RYR2: variants seen among roughly 807,000 people sequenced by gnomAD.
RYR2 encodes ryanodine receptor 2.
In RYR2, 227 loss-of-function variants were observed where a neutral mutation model predicts 601.1. That is an observed-to-expected ratio of 0.38 (90% CI 0.34 to 0.42). RYR2 has a LOEUF of 0.42. Ranked by LOEUF, RYR2 falls within the 10% of genes least tolerant of loss-of-function variation. RYR2 has a pLI of 1.00. For missense variants in RYR2, 4,646 were observed against 6,156.5 expected (o/e 0.75, Z 8.21); for synonymous variants, 2,223 against 2,175.1 (o/e 1.02, Z -0.61).
intron 3 of RYR2, 49 bp from the exon 4 acceptor site, chr1:237,355,916 G>T (rs370506128): frequency 6.4e-5 from 97 of 1,518,214 alleles, no homozygotes; most frequent in Non-Finnish European, 8.3e-5. Context: ...TTGAAACATT[G>T]CTAGGTATTT....
chr1:237,115,902 G>A (rs1490128262), intron 1 of RYR2, among the ~76,000 whole-genome samples: 2 of 152,100 alleles, frequency 1.3e-5, no homozygotes, highest in Non-Finnish European at 2.9e-5. Flanking sequence ...TTAGTGGATT[G>A]TTTAATTCCT....
At chr1:237,119,432 G>C (rs767716383) in intron 1 of RYR2, among the ~76,000 whole-genome samples, 1 of 152,320 alleles carries the variant, frequency 6.6e-6, no homozygotes, top group African/African-American at 2.4e-5. Context: ...GCATGTGTGT[G>C]CGTGTGTGTG....
intron 88 of RYR2, 37 bp downstream of exon 88, chr1:237,778,807 C>T (rs757062915): frequency 1.1e-5 from 11 of 1,003,348 alleles, no homozygotes; most frequent in Middle Eastern, 2.0e-4. Flanking sequence ...TCTTAAATGA[C>T]AAACTGGAGA....
At chr1:237,514,596 A>G (rs1666235186) in intron 24 of RYR2, among the ~76,000 whole-genome samples, 1 of 152,208 alleles carries the variant, frequency 6.6e-6, no homozygotes, top group Non-Finnish European at 1.5e-5. Context: ...AAGGGTTTAG[A>G]GAAAGTACAG....
chr1:237,221,830 A>AACTTTCAGCCTGGC (rs1683829553), intron 1 of RYR2, among the ~76,000 whole-genome samples: 1 of 152,110 alleles, frequency 6.6e-6, no homozygotes, highest in African/African-American at 2.4e-5. Flanking sequence ...GTCAAGCTGG[A>AACTTTCAGCCTGGC]CCTTTCAGCC....
intron 3 of RYR2, among the ~76,000 whole-genome samples, chr1:237,342,011 G>A (rs1010636243): frequency 6.6e-6 from 1 of 152,066 alleles, no homozygotes; most frequent in African/African-American, 2.4e-5. Context: ...CCCTAGTCAT[G>A]GTGTCTTTGT....
At chr1:237,733,310 A>G (rs1353597463) in intron 78 of RYR2, among the ~76,000 whole-genome samples, 8 of 152,128 alleles carry the variant, frequency 5.3e-5, no homozygotes, top group Admixed American at 5.2e-4. Context: ...TTTAATTGTC[A>G]TATCATAATT....
At chr1:237,826,680 C>A (rs2794841) in intron 101 of RYR2, among the ~76,000 whole-genome samples, 27,236 of 152,082 alleles carry the variant, frequency 0.18, 3,169 homozygotes, top group East Asian at 0.56. Context: ...CAGTCTAATA[C>A]CTGATGCATA....
chr1:237,417,016 C>A, intron 10 of RYR2, 33 bp from the exon 11 acceptor site: 1 of 1,596,096 alleles, frequency 6.3e-7, no homozygotes, highest in South Asian at 1.1e-5. Flanking sequence ...ATGTTTAACT[C>A]ACATTTGGGC....
At chr1:237,197,547 C>A (rs964231445) in intron 1 of RYR2, among the ~76,000 whole-genome samples, 1 of 152,054 alleles carries the variant, frequency 6.6e-6, no homozygotes, top group African/African-American at 2.4e-5. Flanking sequence ...GGAAAAGGAA[C>A]CAATATGATT....
At chr1:237,376,891 G>C (rs1050312674) in intron 7 of RYR2, among the ~76,000 whole-genome samples, 1 of 152,026 alleles carries the variant, frequency 6.6e-6, no homozygotes, top group South Asian at 2.1e-4. Flanking sequence ...TAACTACTGA[G>C]AACATTTTCA....
At chr1:237,776,038 G>T (rs1452848240) in intron 87 of RYR2, among the ~76,000 whole-genome samples, 2 of 152,168 alleles carry the variant, frequency 1.3e-5, no homozygotes, top group South Asian at 2.1e-4. Context: ...CCCTTGTAAT[G>T]CTTCAACTTT....
chr1:237,284,248 G>A (rs543144761), intron 2 of RYR2, among the ~76,000 whole-genome samples: 14 of 151,156 alleles, frequency 9.3e-5, no homozygotes, highest in African/African-American at 2.0e-4. Flanking sequence ...GGGCGTGGTC[G>A]CGGGCACCTG....
intron 1 of RYR2, among the ~76,000 whole-genome samples, chr1:237,156,557 T>C (rs993917364): frequency 2.0e-5 from 3 of 152,246 alleles, no homozygotes; most frequent in Admixed American, 6.5e-5. Context: ...TTCTTAGGGA[T>C]ACAAATTGTA....
chr1:237,214,207 C>A (rs1682923946), intron 1 of RYR2, among the ~76,000 whole-genome samples: 1 of 152,134 alleles, frequency 6.6e-6, no homozygotes, highest in Non-Finnish European at 1.5e-5. Flanking sequence ...AGGCATGAGC[C>A]ATTGTGTCTG....
intron 1 of RYR2, among the ~76,000 whole-genome samples, chr1:237,065,644 G>T (rs957314148): frequency 1.3e-5 from 2 of 152,120 alleles, no homozygotes; most frequent in African/African-American, 4.8e-5. Flanking sequence ...GCCCATGGGA[G>T]CCACTGTTTT....
chr1:237,313,604 C>T (rs957196107), intron 2 of RYR2, among the ~76,000 whole-genome samples: 13 of 152,038 alleles, frequency 8.6e-5, no homozygotes, highest in African/African-American at 2.9e-4. Flanking sequence ...TTTACTTTAG[C>T]CTAATTACAC....
intron 2 of RYR2, among the ~76,000 whole-genome samples, chr1:237,297,209 A>G (rs1692872137): frequency 6.6e-6 from 1 of 152,218 alleles, no homozygotes; most frequent in Admixed American, 6.5e-5. Context: ...AGAAAACTCC[A>G]TCACAGAATG....
intron 2 of RYR2, among the ~76,000 whole-genome samples, chr1:237,311,884 A>G (rs1371276543): frequency 6.6e-6 from 1 of 152,236 alleles, no homozygotes; most frequent in East Asian, 1.9e-4. Flanking sequence ...AGTGGCTGAA[A>G]TAATACTGAG....
Sources: allele counts gnomAD v4.1 joint callset (sites outside exome capture counted in the v4.1 genomes callset), GRCh38; gene constraint gnomAD v4.1.1; transcripts MANE v1.5; gene names NCBI Gene and HGNC (gene_info 2026-07-23, HGNC 2026-07-21).